AMZ1: variants seen among roughly 807,000 people sequenced by gnomAD.
AMZ1 encodes archaemetzincin-1.
Under a neutral mutation model 29.9 loss-of-function variants are expected in AMZ1, and 39 were observed. The observed-to-expected ratio is 1.30, with a 90% CI of 1.01 to 1.70. The LOEUF (loss-of-function observed/expected upper bound fraction) is 1.70. Ranked by LOEUF, AMZ1 falls within the 40% of genes most tolerant of loss-of-function variation. The pLI is 0.00. For synonymous variants in AMZ1, 458 were observed against 304.0 expected, an observed-to-expected ratio of 1.51 and a Z score of -5.27; for missense variants, 1,041 against 680.6, an observed-to-expected ratio of 1.53 and a Z score of -5.89.
chr7:2,732,850 G>C (rs961722340), intron 4 of AMZ1, among the ~76,000 whole-genome samples: 2 of 152,194 alleles, frequency 1.3e-5, no homozygotes, highest in Non-Finnish European at 2.9e-5. Context: ...AAGTGATCCT[G>C]ACCAATGGCA....
upstream of AMZ1, chr7:2,762,215 G>A (rs1215994038): frequency 5.7e-6 from 1 of 175,388 alleles, no homozygotes; most frequent in South Asian, 2.0e-4. Context: ...AGGAGAAGTT[G>A]TAAGGGCTTC....
rs139061616 is a variant in AMZ1 at position 2,709,730 on chromosome 7, G to C, written c.862G>C (p.Ala288Pro). 1,577 of 1,611,418 alleles carry C rather than the reference G, an allele frequency of 9.8e-4. 4 individuals carry two copies. The highest frequency in any genetic ancestry group is 1.2e-3 in the Non-Finnish European group (1,380 of 1,179,878). Residue 288 changes from alanine to proline, a missense_variant, in exon 6 of 7, where the codon GCC becomes CCC. By Grantham distance (27) the Ala-to-Pro change is conservative. Transcript: ENST00000683327. ...GCAGGGTGCGCTCAGCCTGGACGAG[G>C]CCCTGCGGCGGCCCCTGGACCTCTG... ...LMQGALSLDE[A>P]LRRPLDLCPI...
chr7:2,724,761 T>A (rs1453511158), intron 4 of AMZ1, among the ~76,000 whole-genome samples: 5 of 152,236 alleles, frequency 3.3e-5, no homozygotes, highest in Non-Finnish European at 7.3e-5. Flanking sequence ...AGTCAGCCAC[T>A]GAGCCGCATT....
In AMZ1 at chr7:2,712,476, G is replaced by T. The variant is rs145061913; in HGVS notation, c.1095G>T (p.Ser365=). The change falls in exon 7 of 7, where the codon TCG becomes TCT. Residue 365 remains serine (S), a synonymous_variant. Transcript: ENST00000683327. Reference sequence around the variant, plus strand: ...ACTCGGAGCCCGGCACCAGTGTGTCGGAGCCCCTCACCCCTGATGCCGGGA... The same window carrying T: ...ACTCGGAGCCCGGCACCAGTGTGTCTGAGCCCCTCACCCCTGATGCCGGGA... The part of the protein sequence containing the change: ...ESDSEPGTSV[S]EPLTPDAGSH... The T allele has an allele frequency of 6.2e-7, 1 of 1,610,376 alleles. No individual in the cohort carries two copies. Among genetic ancestry groups the T allele is most frequent in the Non-Finnish European group, 8.5e-7 (1 of 1,179,346 alleles).
intron 1 of AMZ1, among the ~76,000 whole-genome samples, chr7:2,690,566 G>C (rs1202395040): frequency 2.0e-5 from 3 of 152,174 alleles, no homozygotes; most frequent in East Asian, 1.9e-4. Flanking sequence ...GGGCGGCTCA[G>C]GTTGGCTGAA....
At chr7:2,700,191 G>A in intron 1 of AMZ1, 43 bp from the exon 2 acceptor site, 4 of 528,122 alleles carry the variant, frequency 7.6e-6, no homozygotes, top group Non-Finnish European at 6.8e-6. Flanking sequence ...ATCGGGCCCT[G>A]TGTGCTCGGC....
At position 2,712,834 on chromosome 7, in the gene AMZ1, A is replaced by G; in HGVS notation, c.1453A>G (p.Arg485Gly). 1 of 1,531,484 alleles carries G rather than the reference A, an allele frequency of 6.5e-7. No individual in the cohort carries two copies. The highest frequency in any genetic ancestry group is 1.3e-5 in the South Asian group (1 of 77,680). The allele number at this position is 1,531,484 out of a possible 1,614,324, so 94.9% of individuals were successfully genotyped here. A position where few individuals can be genotyped will look rare whatever the true frequency, so the allele number is the denominator to read the frequency against. The change falls in exon 7 of 7, where the codon AGA (arginine) becomes GGA (glycine). Residue 485 changes from arginine (R) to glycine (G), a missense_variant. Physicochemically the swap from Arg to Gly is moderately radical, Grantham distance 125 (BLOSUM62 -2). Transcript: ENST00000683327. ...GAAGCTGAGTGCCCGAAAACTCGCC[A>G]GAGCAGAGTCGGCCCCCCGTCCCTG... Reference protein sequence around the residue: ...RRKLSARKLARAESAPRPWDG... With the variant: ...RRKLSARKLAGAESAPRPWDG...
Position 2,712,769 on chromosome 7 carries a change from T to C in AMZ1, c.1388T>C (p.Leu463Pro). Residue 463 changes from leucine to proline, a missense_variant, in exon 7 of 7, where the codon CTG becomes CCG. By Grantham distance (98) the Leu-to-Pro change is moderately conservative (BLOSUM62 -3). Transcript: ENST00000683327. ...CCCAGCAGCAGGGACAGCGTGGGGCTGCGCAAGGTGCTGGGGGACAAGTTC... is the reference window on the plus strand; with the variant it reads ...CCCAGCAGCAGGGACAGCGTGGGGCCGCGCAAGGTGCTGGGGGACAAGTTC... ...DPPSSRDSVG[L>P]RKVLGDKFSS... 4 of 1,591,058 alleles carry C rather than the reference T, an allele frequency of 2.5e-6. No individual in the cohort carries two copies. The highest frequency in any genetic ancestry group is 1.1e-5 in the South Asian group (1 of 87,816).
intron 1 of AMZ1, among the ~76,000 whole-genome samples, chr7:2,698,666 C>A (rs770122804): frequency 6.6e-6 from 1 of 152,006 alleles, no homozygotes; most frequent in Non-Finnish European, 1.5e-5. Flanking sequence ...GTGAGACCCC[C>A]GTCTCTACAA....
At chr7:2,704,602 TTTTTTTTTTTTTA>T (rs1362123119) in intron 3 of AMZ1, among the ~76,000 whole-genome samples, 6 of 127,278 alleles carry the variant, frequency 4.7e-5, no homozygotes, top group South Asian at 2.9e-4. Flanking sequence ...TTTTTTTTTT[TTTTTTTTTTTTTA>T]AGACGGAGTC....
At chr7:2,722,350 G>A (rs1789460464), downstream of AMZ1, among the ~76,000 whole-genome samples, 1 of 151,292 alleles carries the variant, frequency 6.6e-6, no homozygotes, top group South Asian at 2.1e-4. Context: ...TCGGCTCACT[G>A]CAAGCTCTGC....
At chr7:2,744,543 G>C (rs1790672988) in intron 4 of AMZ1, among the ~76,000 whole-genome samples, 1 of 151,936 alleles carries the variant, frequency 6.6e-6, no homozygotes. Flanking sequence ...AAAGACCAAA[G>C]GTAGAAAAGA....
At chr7:2,697,213 C>T (rs1787796951) in intron 1 of AMZ1, among the ~76,000 whole-genome samples, 2 of 152,186 alleles carry the variant, frequency 1.3e-5, no homozygotes, top group South Asian at 4.1e-4. Context: ...AGTGATTCTT[C>T]TGCCTCTTGA....
intron 4 of AMZ1, among the ~76,000 whole-genome samples, chr7:2,735,859 G>A (rs1398741258): frequency 6.6e-6 from 1 of 152,266 alleles, no homozygotes; most frequent in Middle Eastern, 3.4e-3. Flanking sequence ...AGGTGCCAGG[G>A]ACTGTGCCAC....
upstream of AMZ1, among the ~76,000 whole-genome samples, chr7:2,686,439 G>C (rs568072673): frequency 6.6e-6 from 1 of 152,248 alleles, no homozygotes; most frequent in East Asian, 1.9e-4. Flanking sequence ...GAGGCTGAGG[G>C]AGGAGGATTG....
At chr7:2,682,166 G>A (rs932251231) in intron 1 of AMZ1, among the ~76,000 whole-genome samples, 4 of 152,176 alleles carry the variant, frequency 2.6e-5, no homozygotes, top group Non-Finnish European at 4.4e-5. Flanking sequence ...AGGCTGGGCC[G>A]GGGCCAGGGC....
chr7:2,697,076 T>C (rs185450520), intron 1 of AMZ1, among the ~76,000 whole-genome samples: 27 of 152,274 alleles, frequency 1.8e-4, no homozygotes, highest in Non-Finnish European at 2.8e-4. Flanking sequence ...TACGGCGTTT[T>C]TGGGCAGTGG....
chr7:2,708,856 G>GC, intron 4 of AMZ1, 140 bp downstream of exon 4: 1 of 1,370,960 alleles, frequency 7.3e-7, no homozygotes, highest in Non-Finnish European at 9.9e-7. Context: ...GGAATAGATG[G>GC]CCCCTTCCAG....
In AMZ1 at chr7:2,708,697, C is replaced by T; in HGVS notation, c.582C>T (p.Ser194=). 1 of 1,612,964 alleles carries T rather than the reference C, an allele frequency of 6.2e-7. No individual in the cohort carries two copies. Among genetic ancestry groups the T allele is most frequent in the Non-Finnish European group, 8.5e-7 (1 of 1,179,990 alleles). ...YPHEAWSFTF[S]KFLPGHEVGV... is the part of the protein sequence containing the mutation. ...ATGAGGCCTGGAGCTTCACCTTCAG[C>T]AAGTTCCTTCCAGGGCACGGTGAGC... The change falls in exon 4 of 7, where the codon AGC becomes AGT. Residue 194 remains serine, a synonymous_variant. Coordinates refer to ENST00000683327, the MANE Select transcript of AMZ1 (RefSeq NM_001384743.1).
Sources: gnomAD v4.1 joint callset for allele counts (sites outside exome capture counted in the v4.1 genomes callset) on GRCh38, gnomAD v4.1.1 for gene constraint, MANE v1.5 for transcripts, NCBI Gene and HGNC (gene_info 2026-07-23, HGNC 2026-07-21) for gene names.